The following LRP1B variants were observed in gnomAD, a reference collection of about 807,000 sequenced individuals.
LRP1B encodes the protein LDL receptor related protein 1B.
A neutral mutation model predicts 556.6 loss-of-function variants in LRP1B; 217 were observed. That is an observed-to-expected ratio of 0.39 (90% CI 0.35 to 0.44). The LOEUF is 0.44. Ranked by LOEUF, LRP1B falls within the 20% of genes least tolerant of loss-of-function variation. The pLI, the probability that LRP1B is intolerant of heterozygous loss-of-function variation, is 1.00. For missense variants in LRP1B, 5,053 were observed against 5,620.8 expected (o/e 0.90, Z 3.23); for synonymous variants, 2,047 against 1,865.8 (o/e 1.10, Z -2.50).
intron 86 of LRP1B, among the ~76,000 whole-genome samples, chr2:140,264,696 CTA>C (rs1490173196): frequency 8.6e-5 from 10 of 116,610 alleles, no homozygotes; most frequent in Admixed American, 1.9e-4. Context: ...AAAAAATTGT[CTA>C]TATATGTGTG....
chr2:141,113,831 A>G (rs549901124), intron 7 of LRP1B, among the ~76,000 whole-genome samples: 3 of 152,194 alleles, frequency 2.0e-5, no homozygotes, highest in Non-Finnish European at 4.4e-5. Flanking sequence ...ACATACTTAT[A>G]CTACTTATTG....
intron 3 of LRP1B, among the ~76,000 whole-genome samples, chr2:141,445,537 C>T (rs1350517340): frequency 6.6e-6 from 1 of 152,166 alleles, no homozygotes; most frequent in African/African-American, 2.4e-5. Flanking sequence ...TTAGATCTTT[C>T]CTGCTTTCTC....
At chr2:140,516,727 T>G (rs1689918973) in intron 50 of LRP1B, among the ~76,000 whole-genome samples, 162 bp downstream of exon 50, 1 of 152,128 alleles carries the variant, frequency 6.6e-6, no homozygotes, top group African/African-American at 2.4e-5. Context: ...TAAGCTCTTC[T>G]GTTTTAATTT....
At chr2:140,607,460 A>T (rs2105215709) in intron 41 of LRP1B, among the ~76,000 whole-genome samples, 1 of 152,220 alleles carries the variant, frequency 6.6e-6, no homozygotes, top group Admixed American at 6.5e-5. Context: ...ACATACACAA[A>T]TGTTCAACAA....
chr2:141,044,459 A>C (rs2105437722), intron 11 of LRP1B, among the ~76,000 whole-genome samples: 1 of 151,130 alleles, frequency 6.6e-6, no homozygotes, highest in African/African-American at 2.4e-5. Context: ...ACAGCAAAAG[A>C]AACTACCATC....
chr2:141,036,001 C>G (rs915488028), intron 11 of LRP1B, among the ~76,000 whole-genome samples: 2 of 152,042 alleles, frequency 1.3e-5, no homozygotes, highest in African/African-American at 4.8e-5. Flanking sequence ...ACATTCAGAG[C>G]TCGGCTTTGC....
At chr2:140,755,475 T>A (rs910334449) in intron 35 of LRP1B, among the ~76,000 whole-genome samples, 1 of 151,996 alleles carries the variant, frequency 6.6e-6, no homozygotes, top group Non-Finnish European at 1.5e-5. Flanking sequence ...CATGACCAGA[T>A]GGCATTTATT....
At chr2:140,643,775 G>A (rs1684384478) in intron 41 of LRP1B, among the ~76,000 whole-genome samples, 1 of 152,028 alleles carries the variant, frequency 6.6e-6, no homozygotes, top group Non-Finnish European at 1.5e-5. Flanking sequence ...CTATTTCAAT[G>A]GTGCAATGTT....
intron 86 of LRP1B, among the ~76,000 whole-genome samples, chr2:140,258,098 A>T (rs996716142): frequency 2.6e-5 from 4 of 152,090 alleles, no homozygotes; most frequent in Non-Finnish European, 5.9e-5. Context: ...TTCCTCCCAA[A>T]CGTGTTGCAA....
chr2:140,275,025 G>A (rs1373900317), intron 84 of LRP1B, among the ~76,000 whole-genome samples: 12 of 152,016 alleles, frequency 7.9e-5, no homozygotes, highest in South Asian at 4.1e-4. Flanking sequence ...GTTGGACGCC[G>A]AAAGAATGAG....
chr2:140,963,303 G>C (rs535713469), intron 18 of LRP1B, among the ~76,000 whole-genome samples: 1 of 151,774 alleles, frequency 6.6e-6, no homozygotes, highest in South Asian at 2.1e-4. Flanking sequence ...AAGATTATTT[G>C]GAAGGAAGAA....
At chr2:141,452,826 C>T (rs568639788) in intron 3 of LRP1B, among the ~76,000 whole-genome samples, 1 of 152,196 alleles carries the variant, frequency 6.6e-6, no homozygotes, top group African/African-American at 2.4e-5. Flanking sequence ...ACTTTTCTTA[C>T]CCCTCTTGTA....
At chr2:140,801,661 T>G (rs940298392) in intron 32 of LRP1B, among the ~76,000 whole-genome samples, 2 of 152,096 alleles carry the variant, frequency 1.3e-5, no homozygotes, top group Non-Finnish European at 2.9e-5. Context: ...TTATTGATTC[T>G]AAGTTTCTTT....
intron 1 of LRP1B, among the ~76,000 whole-genome samples, chr2:142,010,415 G>A (rs1031863225): frequency 4.6e-5 from 7 of 151,554 alleles, no homozygotes; most frequent in African/African-American, 1.7e-4. Flanking sequence ...TTAGCCGGGC[G>A]TGGTGGCGGG....
intron 1 of LRP1B, among the ~76,000 whole-genome samples, chr2:141,941,382 A>C (rs1411567623): frequency 6.6e-6 from 1 of 152,192 alleles, no homozygotes; most frequent in East Asian, 1.9e-4. Flanking sequence ...AAGGCTCATC[A>C]CTGCCCTTAG....
chr2:140,385,869 C>T (rs1558845896), intron 67 of LRP1B, 24 bp downstream of exon 67: 1 of 1,509,822 alleles, frequency 6.6e-7, no homozygotes. Context: ...AAGCTCAAAA[C>T]ATTATTAGGC....
chr2:141,604,731 G>A (rs1378006103), intron 2 of LRP1B, among the ~76,000 whole-genome samples: 1 of 152,028 alleles, frequency 6.6e-6, no homozygotes, highest in African/African-American at 2.4e-5. Flanking sequence ...AAAAGCCCTG[G>A]ACTCAGCCAC....
At chr2:141,579,266 G>A (rs577498267) in intron 2 of LRP1B, among the ~76,000 whole-genome samples, 1 of 152,042 alleles carries the variant, frequency 6.6e-6, no homozygotes, top group South Asian at 2.1e-4. Context: ...TGCACTCCTC[G>A]AAGCTGGCAG....
chr2:140,992,592 T>A (rs1697124789), intron 16 of LRP1B: 1 of 152,144 alleles, frequency 6.6e-6, no homozygotes, highest in African/African-American at 2.4e-5. Context: ...CACACTTAGT[T>A]ACAAATCAAA....
Sources: gnomAD v4.1 joint callset for allele counts (sites outside exome capture counted in the v4.1 genomes callset) on GRCh38, gnomAD v4.1.1 for gene constraint, MANE v1.5 for transcripts, NCBI Gene and HGNC (gene_info 2026-07-23, HGNC 2026-07-21) for gene names.